The following CNTNAP5 variants were observed in gnomAD, a reference collection of about 807,000 sequenced individuals.
The protein encoded by CNTNAP5 is contactin-associated protein-like 5.
In CNTNAP5, 72 loss-of-function variants were observed where a neutral mutation model predicts 150.2. That is an observed-to-expected ratio of 0.48 (90% CI 0.40 to 0.58). CNTNAP5 has a LOEUF of 0.58. Ranked by LOEUF, CNTNAP5 falls within the 20% of genes least tolerant of loss-of-function variation. CNTNAP5 has a pLI of 0.00. For missense variants in CNTNAP5, 1,636 were observed against 1,626.2 expected (o/e 1.01, Z -0.10); for synonymous variants, 672 against 619.8 (o/e 1.08, Z -1.25).
intron 3 of CNTNAP5, among the ~76,000 whole-genome samples, chr2:124,392,616 G>A (rs928743652): frequency 7.8e-6 from 1 of 128,580 alleles, no homozygotes; most frequent in East Asian, 2.5e-4. Context: ...TGAATAATTT[G>A]TTCAGATATG....
intron 13 of CNTNAP5, among the ~76,000 whole-genome samples, chr2:124,709,569 G>A (rs1284420488): frequency 2.0e-5 from 3 of 152,100 alleles, no homozygotes; most frequent in East Asian, 3.9e-4. Context: ...AGAGATTTGT[G>A]TAGTCAGTCA....
chr2:124,653,914 C>T (rs542519288), intron 13 of CNTNAP5, among the ~76,000 whole-genome samples: 1 of 128,788 alleles, frequency 7.8e-6, no homozygotes, highest in South Asian at 2.8e-4. Context: ...GCCCCCAACC[C>T]CCCCCCCCCG....
At chr2:124,263,635 A>G (rs1425130112) in intron 3 of CNTNAP5, among the ~76,000 whole-genome samples, 2 of 152,176 alleles carry the variant, frequency 1.3e-5, no homozygotes, top group African/African-American at 2.4e-5. Flanking sequence ...TTTGCTGTGC[A>G]GAAGCTCTTT....
At chr2:124,065,551 A>T (rs1682132331) in intron 1 of CNTNAP5, among the ~76,000 whole-genome samples, 1 of 152,172 alleles carries the variant, frequency 6.6e-6, no homozygotes, top group African/African-American at 2.4e-5. Flanking sequence ...TACCAAGTTC[A>T]AGCATCTTAA....
At chr2:124,552,897 C>G (rs1020587405) in intron 10 of CNTNAP5, among the ~76,000 whole-genome samples, 2 of 152,138 alleles carry the variant, frequency 1.3e-5, no homozygotes, top group Non-Finnish European at 2.9e-5. Context: ...TCATGGCATT[C>G]TACAGTATGG....
intron 7 of CNTNAP5, among the ~76,000 whole-genome samples, chr2:124,477,876 G>C (rs1036959024): frequency 6.6e-6 from 1 of 151,940 alleles, no homozygotes; most frequent in African/African-American, 2.4e-5. Context: ...AAATATTAAA[G>C]GGCATCACTA....
chr2:124,156,034 A>G (rs1393734144), intron 1 of CNTNAP5, among the ~76,000 whole-genome samples: 1 of 152,222 alleles, frequency 6.6e-6, no homozygotes. Flanking sequence ...TGCAAAGTGC[A>G]TCTAAAAAAG....
chr2:124,358,361 A>T (rs1288813056), intron 3 of CNTNAP5, among the ~76,000 whole-genome samples: 4 of 152,088 alleles, frequency 2.6e-5, no homozygotes, highest in African/African-American at 7.2e-5. Context: ...GTGGTGAGAG[A>T]GGGCATCCCT....
At chr2:124,210,173 A>T (rs1046599626) in intron 1 of CNTNAP5, among the ~76,000 whole-genome samples, 12 of 152,174 alleles carry the variant, frequency 7.9e-5, no homozygotes, top group African/African-American at 2.9e-4. Flanking sequence ...AAAAACCATC[A>T]CCTTATGACA....
chr2:124,363,275 G>A (rs752513340), intron 3 of CNTNAP5, among the ~76,000 whole-genome samples: 1 of 151,550 alleles, frequency 6.6e-6, no homozygotes, highest in Non-Finnish European at 1.5e-5. Flanking sequence ...TGTCAAATTT[G>A]TTTGTAGGAC....
At chr2:124,185,346 A>G (rs753129577) in intron 1 of CNTNAP5, among the ~76,000 whole-genome samples, 4 of 152,222 alleles carry the variant, frequency 2.6e-5, no homozygotes, top group Non-Finnish European at 5.9e-5. Context: ...AAAGGCAAGG[A>G]CAAATTTTAG....
At chr2:124,698,092 A>T (rs1335336450) in intron 13 of CNTNAP5, among the ~76,000 whole-genome samples, 1 of 152,108 alleles carries the variant, frequency 6.6e-6, no homozygotes, top group African/African-American at 2.4e-5. Context: ...CCAAATAATG[A>T]TATAATACAG....
At chr2:124,836,662 T>A (rs1005508786) in intron 19 of CNTNAP5, among the ~76,000 whole-genome samples, 1 of 152,080 alleles carries the variant, frequency 6.6e-6, no homozygotes, top group Admixed American at 6.6e-5. Flanking sequence ...GTATCTGTAA[T>A]AGGTTCCATC....
chr2:124,249,594 C>A (rs1218632030), intron 3 of CNTNAP5, among the ~76,000 whole-genome samples: 1 of 152,152 alleles, frequency 6.6e-6, no homozygotes, highest in Non-Finnish European at 1.5e-5. Flanking sequence ...TGGGTTGTCC[C>A]GCCTTTATGA....
chr2:124,771,986 T>C (rs544026441), intron 16 of CNTNAP5, among the ~76,000 whole-genome samples: 4 of 148,878 alleles, frequency 2.7e-5, no homozygotes, highest in Admixed American at 6.6e-5. Context: ...ACCATCATCA[T>C]CACCACCACC....
In CNTNAP5 at chr2:124,607,275, G is replaced by GT. The variant is rs1677258213; in HGVS notation, c.1757-2522dup. 2.6e-5 allele frequency among the ~76,000 whole-genome samples: 4 copies of GT among 152,086 alleles called. No homozygotes were observed. In the South Asian group the frequency reaches 6.2e-4, roughly 24 times the overall value. On this transcript the variant is annotated intron_variant, in intron 11 of 23. Coordinates refer to ENST00000682447, the MANE Select transcript of CNTNAP5 (RefSeq NM_001367498.1). The stretch of plus-strand genomic sequence containing the variant: ...AAAAGATGTCCACAGGGCTGCTTTC[G>GT]TTTTAAGGCTTGATATGGGGATCTT...
At chr2:124,763,637 T>G in intron 14 of CNTNAP5, 35 bp from the exon 15 acceptor site, 1 of 1,593,652 alleles carries the variant, frequency 6.3e-7, no homozygotes, top group Non-Finnish European at 8.6e-7. Context: ...TATCCACATT[T>G]TGTCCTCTTT....
At chr2:124,244,204 G>A (rs1245935292) in intron 3 of CNTNAP5, among the ~76,000 whole-genome samples, 2 of 152,014 alleles carry the variant, frequency 1.3e-5, no homozygotes, top group African/African-American at 4.8e-5. Context: ...ATGAGCAGGG[G>A]GCACAAAGCC....
chr2:124,716,603 CTT>C (rs34030568), intron 13 of CNTNAP5, among the ~76,000 whole-genome samples: 24,266 of 151,870 alleles, frequency 0.16, 2,227 homozygotes, highest in East Asian at 0.24. Context: ...CATTGAAAAA[CTT>C]TATATTTCTC....
Sources: allele counts gnomAD v4.1 joint callset (sites outside exome capture counted in the v4.1 genomes callset), GRCh38; gene constraint gnomAD v4.1.1; transcripts MANE v1.5; gene names NCBI Gene and HGNC (gene_info 2026-07-23, HGNC 2026-07-21).